Variants in ARHGAP21 observed in about 807,000 individuals in gnomAD.
ARHGAP21 encodes the protein rho GTPase-activating protein 21.
A neutral mutation model predicts 164.6 loss-of-function variants in ARHGAP21; 38 were observed. The ratio of observed to expected loss-of-function variants is 0.23; its 90% confidence interval spans 0.18 to 0.30. ARHGAP21 has a LOEUF of 0.30. Among genes scored for constraint, ARHGAP21 ranks in the 10% least tolerant of loss-of-function variants. ARHGAP21 has a pLI of 1.00. For synonymous variants in ARHGAP21, 766 were observed against 857.9 expected (o/e 0.89, Z 1.87); for missense variants, 1,822 against 2,370.7 (o/e 0.77, Z 4.81).
chr10:24,607,947 TTATTAA>T, intron 9 of ARHGAP21, 44 bp from the exon 10 acceptor site: 1 of 1,523,818 alleles, frequency 6.6e-7, no homozygotes, highest in Non-Finnish European at 8.8e-7. Context: ...GACCTAATTG[TTATTAA>T]TAATAAAACT....
At chr10:24,675,211 GC>G (rs1280155785) in intron 2 of ARHGAP21, among the ~76,000 whole-genome samples, 6 of 152,126 alleles carry the variant, frequency 3.9e-5, no homozygotes, top group South Asian at 2.1e-4. Context: ...CTGTGACACA[GC>G]CAAACAACAG....
chr10:24,673,659 C>T (rs977939074), intron 2 of ARHGAP21, among the ~76,000 whole-genome samples: 2 of 151,856 alleles, frequency 1.3e-5, no homozygotes, highest in African/African-American at 4.8e-5. Context: ...GCCAGGAGTT[C>T]GAGACCAGCC....
chr10:24,603,429 GTTTT>G (rs1374573700), intron 12 of ARHGAP21, among the ~76,000 whole-genome samples: 1 of 152,162 alleles, frequency 6.6e-6, no homozygotes, highest in Non-Finnish European at 1.5e-5. Context: ...AGAAACTATA[GTTTT>G]TTCAAGGGGT....
chr10:24,590,235 G>A (rs759476783), intron 24 of ARHGAP21: 226 of 1,470,822 alleles, frequency 1.5e-4, no homozygotes, highest in Non-Finnish European at 2.0e-4. Context: ...GTCTGCTTCA[G>A]AAATAACAAG....
At position 24,719,496 on chromosome 10, in the gene ARHGAP21, T is replaced by A. The variant is rs561078274; in HGVS notation, c.63+2341A>T. On this transcript the variant is annotated intron_variant, in intron 2 of 25. Coordinates refer to ENST00000396432, the MANE Select transcript of ARHGAP21 (RefSeq NM_020824.4). ...AGCATGAAACAGAGACTCCTGTTAA[T>A]TCATTACATTGATTTCTTCTGTCCT... 1.8e-4 allele frequency among the ~76,000 whole-genome samples: 27 copies of A among 152,348 alleles called. No individual in the cohort carries two copies. The South Asian group carries it at 5.6e-3, about 32-fold the overall frequency.
chr10:24,584,505 G>A lies in ARHGAP21; in HGVS notation c.5784C>T (p.Asn1928=), dbSNP rs765097268. 8.1e-6 allele frequency: 13 copies of A among 1,613,790 alleles called. No individual in the cohort carries two copies. Among genetic ancestry groups the A allele is most frequent in the Middle Eastern group, 1.6e-4 (1 of 6,078 alleles). The part of the protein sequence containing the change: ...PDQINGESFQ[N]VSKNASSAAN... ...CTGCAGAACTAGCATTTTTGCTCACGTTCTGGAAGCTTTCTCCGTTTATTT... is the reference window on the plus strand; with the variant it reads ...CTGCAGAACTAGCATTTTTGCTCACATTCTGGAAGCTTTCTCCGTTTATTT... The change falls in exon 26 of 26, where the codon AAC becomes AAT. Residue 1928 remains asparagine (N), a synonymous_variant. Coordinates refer to ENST00000396432, the MANE Select transcript of ARHGAP21 (RefSeq NM_020824.4).
rs1364065084 is a variant in ARHGAP21 at position 24,633,417 on chromosome 10, G to T, written c.425C>A (p.Ala142Asp). ...VIGKTYSQVI[A>D]LIQNSDTTLE... ...AGACTCTTACCTGTTTTGAATTAAA[G>T]CAATTACTTGGGAATAGGTTTTGCC... The change falls in exon 6 of 26, where the codon GCT (alanine) becomes GAT (aspartate). Residue 142 changes from alanine (A) to aspartate (D), a missense_variant. Ala to Asp is a moderately radical substitution (Grantham distance 126, BLOSUM62 -2). Coordinates refer to ENST00000396432, the MANE Select transcript of ARHGAP21 (RefSeq NM_020824.4). 6.2e-7 allele frequency: 1 copy of T among 1,609,216 alleles called. No individual in the cohort carries two copies. The highest frequency in any genetic ancestry group is 8.5e-7 in the Non-Finnish European group (1 of 1,177,154).
chr10:24,643,595 G>A (rs541163547), intron 4 of ARHGAP21, among the ~76,000 whole-genome samples: 17 of 152,234 alleles, frequency 1.1e-4, no homozygotes, highest in East Asian at 7.7e-4. Context: ...AAGATTACCC[G>A]TGGATCAGTA....
intron 12 of ARHGAP21, 97 bp from the exon 13 acceptor site, chr10:24,602,200 T>G: frequency 7.2e-7 from 1 of 1,383,796 alleles, no homozygotes; most frequent in Non-Finnish European, 9.7e-7. Context: ...ATTTAATGTT[T>G]CAAGTGAAGG....
chr10:24,590,119 T>G, intron 24 of ARHGAP21: 1 of 1,211,792 alleles, frequency 8.3e-7, no homozygotes, highest in Admixed American at 3.6e-5. Context: ...GAAATTGGTT[T>G]TCAGAATTAA....
intron 9 of ARHGAP21, among the ~76,000 whole-genome samples, chr10:24,611,949 A>C (rs2077280038): frequency 6.6e-6 from 1 of 152,188 alleles, no homozygotes; most frequent in African/African-American, 2.4e-5. Context: ...ACAAATGTGC[A>C]TGTCTTCTCA....
intron 2 of ARHGAP21, among the ~76,000 whole-genome samples, chr10:24,693,160 G>A (rs373875509): frequency 6.6e-6 from 1 of 152,152 alleles, no homozygotes; most frequent in African/African-American, 2.4e-5. Context: ...GGCCAATGAC[G>A]ACACAGGCGT....
At chr10:24,634,207 A>C (rs1370492031) in intron 5 of ARHGAP21, among the ~76,000 whole-genome samples, 1 of 152,062 alleles carries the variant, frequency 6.6e-6, no homozygotes, top group African/African-American at 2.4e-5. Context: ...ATACATATTA[A>C]TGATATTTAA....
chr10:24,706,144 G>C (rs1844205143), intron 2 of ARHGAP21, among the ~76,000 whole-genome samples: 1 of 152,110 alleles, frequency 6.6e-6, no homozygotes, highest in South Asian at 2.1e-4. Context: ...CCAAAATCTT[G>C]CCTACTTTCT....
At chr10:24,648,394 T>G (rs1185939075) in intron 4 of ARHGAP21, among the ~76,000 whole-genome samples, 2 of 152,244 alleles carry the variant, frequency 1.3e-5, no homozygotes, top group African/African-American at 2.4e-5. Flanking sequence ...AAAATATCCC[T>G]TCAAACATCT....
Position 24,636,979 on chromosome 10 carries a change from T to A in ARHGAP21, c.269-1876A>T, listed in dbSNP as rs140564085. On this transcript the variant is annotated intron_variant, in intron 4 of 25. Transcript: ENST00000396432. The stretch of plus-strand genomic sequence containing the variant: ...TAATATCCATAGCATAGAGCAGGCA[T>A]TCAATAAATAATTATTCAATGAATT... Among the ~76,000 whole-genome samples the A allele has an allele frequency of 3.3e-5, 5 of 152,358 alleles. No homozygotes were observed. In the East Asian group the frequency reaches 7.7e-4, roughly 23 times the overall value.
At chr10:24,698,950 G>C (rs1315922122) in intron 2 of ARHGAP21, among the ~76,000 whole-genome samples, 1 of 152,170 alleles carries the variant, frequency 6.6e-6, no homozygotes, top group African/African-American at 2.4e-5. Flanking sequence ...TATCAGCAAT[G>C]CTAAAGGTTT....
intron 17 of ARHGAP21, chr10:24,596,378 G>A (rs1291389008): frequency 3.2e-5 from 14 of 443,470 alleles, no homozygotes; most frequent in Non-Finnish European, 4.7e-5. Context: ...TTCATGATAC[G>A]AATCCTAGCA....
At chr10:24,654,929 T>C (rs938411960) in intron 4 of ARHGAP21, among the ~76,000 whole-genome samples, 124 of 152,112 alleles carry the variant, frequency 8.2e-4, no homozygotes, top group African/African-American at 2.8e-3. Context: ...GAGATATAGA[T>C]CAATGGAACA....
Sources: allele counts gnomAD v4.1 joint callset (sites outside exome capture counted in the v4.1 genomes callset), GRCh38; gene constraint gnomAD v4.1.1; transcripts MANE v1.5; gene names NCBI Gene and HGNC (gene_info 2026-07-23, HGNC 2026-07-21).